The following ASTN1 variants were observed in gnomAD, a reference collection of about 807,000 sequenced individuals.
ASTN1 encodes the protein astrotactin 1.
A neutral mutation model predicts 140.7 loss-of-function variants in ASTN1; 41 were observed. The ratio of observed to expected loss-of-function variants is 0.29; its 90% CI spans 0.23 to 0.38. The LOEUF is 0.38. Among genes scored for constraint, ASTN1 ranks in the 10% least tolerant of loss-of-function variants. The pLI is 1.00. For missense variants in ASTN1, 1,479 were observed against 1,678.8 expected, an observed-to-expected ratio of 0.88 and a Z score of 2.08; for synonymous variants, 640 against 652.2, an observed-to-expected ratio of 0.98 and a Z score of 0.29.
At chr1:177,028,840 A>G (rs1676268756) in intron 5 of ASTN1, among the ~76,000 whole-genome samples, 1 of 152,226 alleles carries the variant, frequency 6.6e-6, no homozygotes, top group Non-Finnish European at 1.5e-5. Context: ...TTGACATGTG[A>G]GTAAACTGAA....
intron 22 of ASTN1, among the ~76,000 whole-genome samples, chr1:176,865,217 G>T (rs1668089824): frequency 6.6e-6 from 1 of 152,202 alleles, no homozygotes; most frequent in Non-Finnish European, 1.5e-5. Flanking sequence ...AACAGAGAAG[G>T]TGATGAAGGT....
chr1:177,161,772 A>G (rs774762110), intron 1 of ASTN1, among the ~76,000 whole-genome samples: 10 of 152,116 alleles, frequency 6.6e-5, no homozygotes, highest in East Asian at 1.9e-4. Flanking sequence ...TTTTCACTCA[A>G]AGGAGTGACA....
intron 11 of ASTN1, among the ~76,000 whole-genome samples, chr1:176,952,676 G>A (rs1396331747): frequency 6.6e-6 from 1 of 152,160 alleles, no homozygotes; most frequent in Non-Finnish European, 1.5e-5. Flanking sequence ...AGAAACCAGA[G>A]TCTCCAAACC....
chr1:177,126,552 G>A (rs138338899), intron 1 of ASTN1, among the ~76,000 whole-genome samples: 241 of 152,244 alleles, frequency 1.6e-3, no homozygotes, highest in Non-Finnish European at 1.7e-3. Flanking sequence ...AAAAAGGAAG[G>A]GGCCAAGTGG....
At chr1:176,957,606 G>C (rs1672464537) in intron 11 of ASTN1, 72 bp downstream of exon 11, 1 of 1,565,198 alleles carries the variant, frequency 6.4e-7, no homozygotes, top group East Asian at 2.3e-5. Flanking sequence ...CTATGTATCT[G>C]TATTGTGTCT....
chr1:176,980,551 G>T (rs920583830), intron 8 of ASTN1, among the ~76,000 whole-genome samples: 1 of 152,144 alleles, frequency 6.6e-6, no homozygotes, highest in African/African-American at 2.4e-5. Flanking sequence ...GCCAGGCAGG[G>T]TGGCAGAAAA....
chr1:177,089,782 A>T (rs1378006282), intron 1 of ASTN1, among the ~76,000 whole-genome samples: 3 of 152,150 alleles, frequency 2.0e-5, no homozygotes, highest in Non-Finnish European at 4.4e-5. Context: ...AAACTCCATC[A>T]AAATGGACTC....
Position 176,934,145 on chromosome 1 carries a change from C to T in ASTN1, c.2671+7G>A, listed in dbSNP as rs1671330708. On this transcript the variant is annotated splice_region_variant and intron_variant, in intron 16 of 22. Coordinates refer to ENST00000361833, the MANE Select transcript of ASTN1 (RefSeq NM_004319.3). ...GTATGGAATTTGCCAACAAGCATGC[C>T]ACTCACCTTTACTGATGTCTTCATA... 1 of 1,599,882 alleles carries T rather than the reference C, an allele frequency of 6.3e-7. No homozygotes were observed. The highest frequency in any genetic ancestry group is 1.1e-5 in the South Asian group (1 of 90,342).
intron 1 of ASTN1, among the ~76,000 whole-genome samples, chr1:177,142,418 A>G (rs1047051424): frequency 2.0e-5 from 3 of 152,214 alleles, no homozygotes; most frequent in Non-Finnish European, 4.4e-5. Flanking sequence ...TGTGCTTGAC[A>G]TTCAGAAATC....
intron 16 of ASTN1, among the ~76,000 whole-genome samples, chr1:176,905,770 C>T (rs73047968): frequency 6.6e-6 from 1 of 152,218 alleles, no homozygotes; most frequent in African/African-American, 2.4e-5. Context: ...GTGACCTGTG[C>T]CCTCTGTTTT....
intron 2 of ASTN1, among the ~76,000 whole-genome samples, chr1:177,036,300 G>C (rs1024830387): frequency 3.3e-5 from 5 of 151,962 alleles, no homozygotes; most frequent in Non-Finnish European, 7.4e-5. Context: ...ACCCGCCTCA[G>C]CCTCCCAAAG....
chr1:177,159,876 C>G (rs11577430), intron 1 of ASTN1, among the ~76,000 whole-genome samples: 8,012 of 152,272 alleles, frequency 0.053, 248 homozygotes, highest in Non-Finnish European at 0.061. Context: ...AACATGGCTA[C>G]CTGAACCTGA....
At chr1:177,162,501 C>A (rs932695875) in intron 1 of ASTN1, among the ~76,000 whole-genome samples, 1 of 152,198 alleles carries the variant, frequency 6.6e-6, no homozygotes, top group Non-Finnish European at 1.5e-5. Context: ...CACAGAGGTG[C>A]AGAAAACCCG....
chr1:177,044,259 C>A (rs1376514359), intron 2 of ASTN1, among the ~76,000 whole-genome samples: 2 of 151,880 alleles, frequency 1.3e-5, no homozygotes, highest in African/African-American at 2.4e-5. Context: ...ATCCCACCCA[C>A]CCATAGCCCC....
Position 176,864,231 on chromosome 1 carries a change from G to C in ASTN1, c.*53C>G. ...AAAAATCCACAGACCAACCCAGATG[G>C]ATCCCTCCTCTTTCCTACTTCATTC... On this transcript the variant is annotated 3_prime_UTR_variant, in exon 23 of 23. Coordinates refer to ENST00000361833, the MANE Select transcript of ASTN1 (RefSeq NM_004319.3). 1 of 1,593,410 alleles carries C rather than the reference G, an allele frequency of 6.3e-7. No homozygotes were observed. Among genetic ancestry groups the C allele is most frequent in the Non-Finnish European group, 8.5e-7 (1 of 1,169,834 alleles).
At chr1:176,947,239 TGA>T (rs1045358512) in intron 12 of ASTN1, among the ~76,000 whole-genome samples, 74 of 152,334 alleles carry the variant, frequency 4.9e-4, no homozygotes, top group African/African-American at 1.7e-3. Flanking sequence ...TTGAGAAGAT[TGA>T]GAGACTGCAT....
At chr1:177,017,151 C>T (rs1675587637) in intron 7 of ASTN1, among the ~76,000 whole-genome samples, 1 of 152,222 alleles carries the variant, frequency 6.6e-6, no homozygotes, top group Admixed American at 6.5e-5. Flanking sequence ...AGCACATTTA[C>T]CTTCTGAAAT....
intron 19 of ASTN1, among the ~76,000 whole-genome samples, chr1:176,883,460 C>T (rs1668895510): frequency 6.6e-6 from 1 of 152,142 alleles, no homozygotes; most frequent in African/African-American, 2.4e-5. Flanking sequence ...TCCCAAAGTG[C>T]TGGGAATACA....
At chr1:177,161,274 G>T (rs1647347634) in intron 1 of ASTN1, among the ~76,000 whole-genome samples, 1 of 152,092 alleles carries the variant, frequency 6.6e-6, no homozygotes, top group African/African-American at 2.4e-5. Context: ...CATGTCACAA[G>T]GCTCTGTCCA....
Sources: allele counts gnomAD v4.1 joint callset (sites outside exome capture counted in the v4.1 genomes callset), GRCh38; gene constraint gnomAD v4.1.1; transcripts MANE v1.5; gene names NCBI Gene and HGNC (gene_info 2026-07-23, HGNC 2026-07-21).